The following CACNA1A variants were observed in gnomAD, a reference collection of about 807,000 sequenced individuals.
The protein encoded by CACNA1A is voltage-dependent P/Q-type calcium channel subunit alpha-1A.
CACNA1A carries 57 observed loss-of-function variants against 262.4 expected under a neutral mutation model. That is an observed-to-expected ratio of 0.22 (90% CI 0.18 to 0.27). The LOEUF (loss-of-function observed/expected upper bound fraction) is 0.27, where lower values mean the gene tolerates loss of function less well. CACNA1A is among the 10% of genes least tolerant of loss of function. The pLI is 1.00. For missense variants in CACNA1A, 2,526 were observed against 3,562.8 expected (o/e 0.71, Z 7.41); for synonymous variants, 1,431 against 1,419.3 (o/e 1.01, Z -0.18).
intron 1 of CACNA1A, among the ~76,000 whole-genome samples, chr19:13,479,511 G>A (rs1449403667): frequency 6.6e-6 from 1 of 152,184 alleles, no homozygotes; most frequent in Non-Finnish European, 1.5e-5. Context: ...AGATGCTCGT[G>A]GGCTTTTCCA....
intron 3 of CACNA1A, among the ~76,000 whole-genome samples, chr19:13,406,026 CAG>C (rs1364248151): frequency 6.6e-6 from 1 of 152,048 alleles, no homozygotes; most frequent in Non-Finnish European, 1.5e-5. Context: ...TTATGGAGAA[CAG>C]AGTCTGGACA....
chr19:13,367,724 T>C (rs1316947357), intron 4 of CACNA1A, among the ~76,000 whole-genome samples: 7 of 151,886 alleles, frequency 4.6e-5, no homozygotes, highest in Non-Finnish European at 8.8e-5. Flanking sequence ...CGAGATTCCA[T>C]CTCAAAAAGA....
intron 3 of CACNA1A, among the ~76,000 whole-genome samples, chr19:13,391,911 C>T (rs1018664204): frequency 6.6e-6 from 1 of 151,686 alleles, no homozygotes; most frequent in Non-Finnish European, 1.5e-5. Context: ...GTGGCTTGTG[C>T]CTGTAGCCCC....
rs34849471 is a variant in CACNA1A, at chr19:13,360,265, G to GTATATATA, written c.785-474_785-467dup. ...ATTAGGTGTCTGTGTGTGTGTGTGT[G>GTATATATA]TATATATATATATATATATATGAAG... On this transcript the variant is annotated intron_variant, in intron 5 of 46. Transcript: ENST00000360228. 3.0e-3 allele frequency among the ~76,000 whole-genome samples: 371 copies of GTATATATA among 124,204 alleles called. 8 individuals are homozygous for GTATATATA. Among genetic ancestry groups the GTATATATA allele is most frequent in the East Asian group, 0.012 (43 of 3,514 alleles). The allele number at this position is 124,204 out of a possible 152,430, so 81.5% of individuals were successfully genotyped here.
chr19:13,426,318 A>T (rs1184552804), intron 3 of CACNA1A, among the ~76,000 whole-genome samples: 1 of 152,160 alleles, frequency 6.6e-6, no homozygotes, highest in African/African-American at 2.4e-5. Flanking sequence ...ATGCTTGAAA[A>T]TACCTATAGA....
chr19:13,307,760 TG>T lies in CACNA1A; in HGVS notation c.1986+21del, dbSNP rs777409946. The T allele has an allele frequency of 5.0e-6, 8 of 1,607,788 alleles. No individual in the cohort carries two copies. The East Asian group carries it at 1.8e-4, about 36-fold the overall frequency. On this transcript the variant is annotated intron_variant, in intron 15 of 46. Transcript: ENST00000360228. ...TGTGACACTGAGAGGTGTTGGCCCG[TG>T]GGGCCAGGTGGAGGCTGTACCTGAA...
At chr19:13,311,636 G>C (rs1351778861) in intron 12 of CACNA1A, among the ~76,000 whole-genome samples, 1 of 152,162 alleles carries the variant, frequency 6.6e-6, no homozygotes, top group Non-Finnish European at 1.5e-5. Context: ...AGGAGATCAA[G>C]ACCATCCTGG....
chr19:13,445,175 A>C (rs1321190092), intron 3 of CACNA1A, among the ~76,000 whole-genome samples: 2 of 151,970 alleles, frequency 1.3e-5, no homozygotes, highest in Admixed American at 6.6e-5. Context: ...ATGCTTCAAG[A>C]CCAAAAAACA....
chr19:13,474,816 C>CA (rs58540948), intron 1 of CACNA1A, among the ~76,000 whole-genome samples: 1,908 of 126,370 alleles, frequency 0.015, 39 homozygotes, highest in African/African-American at 0.043. Flanking sequence ...GACTCCGTCT[C>CA]AAAAAAAAAA....
At chr19:13,498,704 G>T (rs1284228420) in intron 1 of CACNA1A, among the ~76,000 whole-genome samples, 2 of 152,184 alleles carry the variant, frequency 1.3e-5, no homozygotes, top group Non-Finnish European at 2.9e-5. Context: ...TCTAAAAGCT[G>T]CATTCATTCC....
intron 24 of CACNA1A, among the ~76,000 whole-genome samples, chr19:13,270,103 G>C (rs1318223472): frequency 6.6e-6 from 1 of 152,094 alleles, no homozygotes. Flanking sequence ...CCGTATTCAG[G>C]GCTGGGAGAT....
chr19:13,488,385 C>CTTTTTTTT (rs1980296116), intron 1 of CACNA1A, among the ~76,000 whole-genome samples: 1 of 110,260 alleles, frequency 9.1e-6, no homozygotes, highest in Non-Finnish European at 1.8e-5. Context: ...TTTCCTTTTT[C>CTTTTTTTT]TTTTCTTTTT....
intron 1 of CACNA1A, among the ~76,000 whole-genome samples, chr19:13,489,734 C>A (rs1482385525): frequency 1.3e-5 from 2 of 152,152 alleles, no homozygotes; most frequent in Non-Finnish European, 2.9e-5. Flanking sequence ...GTCTCCCCAA[C>A]GAATCCCTGC....
intron 8 of CACNA1A, among the ~76,000 whole-genome samples, chr19:13,333,438 C>CT (rs1035794429): frequency 8.2e-4 from 123 of 150,238 alleles, no homozygotes; most frequent in Admixed American, 3.4e-3. Flanking sequence ...ACTTCCTACT[C>CT]TTTTTTTTTT....
chr19:13,269,244 T>C lies in CACNA1A; in HGVS notation c.3990-6411A>G, dbSNP rs904244799. The stretch of plus-strand genomic sequence containing the variant: ...CTTTAGGTTTAATATGGGAGTCTTC[T>C]GGACATCACTGCATTTGCCTATGGG... On this transcript the variant is annotated intron_variant, in intron 24 of 46. Coordinates refer to ENST00000360228, the MANE Select transcript of CACNA1A (RefSeq NM_001127222.2). Among the ~76,000 whole-genome samples the C allele has an allele frequency of 2.0e-5, 3 of 152,208 alleles. No homozygotes were observed. In the South Asian group the frequency reaches 6.2e-4, roughly 32 times the overall value.
intron 30 of CACNA1A, among the ~76,000 whole-genome samples, chr19:13,249,362 T>C (rs2056333861): frequency 6.6e-6 from 1 of 152,088 alleles, no homozygotes; most frequent in Non-Finnish European, 1.5e-5. Context: ...CTAGCATTTA[T>C]TTATTTATTT....
intron 34 of CACNA1A, among the ~76,000 whole-genome samples, chr19:13,233,869 G>A (rs1188367196): frequency 6.6e-6 from 1 of 151,984 alleles, no homozygotes; most frequent in Non-Finnish European, 1.5e-5. Flanking sequence ...TCTTCCCCAT[G>A]GGGATGTTAG....
At chr19:13,389,491 A>G (rs148922179) in intron 3 of CACNA1A, among the ~76,000 whole-genome samples, 10 of 152,300 alleles carry the variant, frequency 6.6e-5, no homozygotes, top group African/African-American at 2.4e-4. Flanking sequence ...ATGTCTCCAG[A>G]GTGGCCTCCC....
chr19:13,210,963 CCCCTGGCCCTGGG>C, intron 43 of CACNA1A: 1 of 470,086 alleles, frequency 2.1e-6, no homozygotes, highest in Non-Finnish European at 3.9e-6. Flanking sequence ...CAGCCTCGAG[CCCCTGGCCCTGGG>C]CTCTGCCTCA....
Sources: gnomAD v4.1 joint callset for allele counts (sites outside exome capture counted in the v4.1 genomes callset) on GRCh38, gnomAD v4.1.1 for gene constraint, MANE v1.5 for transcripts, NCBI Gene and HGNC (gene_info 2026-07-23, HGNC 2026-07-21) for gene names.